Variants in ASIC2 observed in about 807,000 individuals in gnomAD.
ASIC2 encodes acid-sensing ion channel 2.
A neutral mutation model predicts 57.3 loss-of-function variants in ASIC2; 25 were observed. The ratio of observed to expected loss-of-function variants is 0.44; its 90% CI spans 0.32 to 0.61. The LOEUF (loss-of-function observed/expected upper bound fraction) is 0.61, where lower values mean the gene tolerates loss of function less well. Among genes scored for constraint, ASIC2 ranks in the 20% least tolerant of loss-of-function variants. ASIC2 has a pLI of 0.06. For missense variants in ASIC2, 641 were observed against 738.1 expected (o/e 0.87, Z 1.52); for synonymous variants, 319 against 307.5 (o/e 1.04, Z -0.39).
chr17:33,332,148 G>A (rs387760), intron 1 of ASIC2, among the ~76,000 whole-genome samples: 103,120 of 151,900 alleles, frequency 0.68, 35,583 homozygotes, highest in East Asian at 0.97. Context: ...CCATATACCC[G>A]TTCGTGTTAT....
At chr17:33,214,305 C>T (rs1907392286) in intron 1 of ASIC2, among the ~76,000 whole-genome samples, 1 of 152,072 alleles carries the variant, frequency 6.6e-6, no homozygotes, top group Non-Finnish European at 1.5e-5. Context: ...CCAAGATGCT[C>T]CTCTTTTTCA....
intron 1 of ASIC2, among the ~76,000 whole-genome samples, chr17:34,012,134 C>T (rs1906790073): frequency 6.6e-6 from 1 of 152,192 alleles, no homozygotes; most frequent in African/African-American, 2.4e-5. Context: ...ATCCAGATTT[C>T]CTTCCCATTC....
intron 1 of ASIC2, among the ~76,000 whole-genome samples, chr17:33,870,791 T>A (rs1010253361): frequency 6.6e-6 from 1 of 152,158 alleles, no homozygotes; most frequent in Non-Finnish European, 1.5e-5. Flanking sequence ...ACTTACCTTG[T>A]TAGATGATTA....
At chr17:33,652,957 G>C (rs1906963428) in intron 1 of ASIC2, among the ~76,000 whole-genome samples, 1 of 152,188 alleles carries the variant, frequency 6.6e-6, no homozygotes, top group Admixed American at 6.5e-5. Context: ...GGTATCAAGA[G>C]ATTTGGAATC....
At chr17:33,657,574 G>C (rs1269850247) in intron 1 of ASIC2, among the ~76,000 whole-genome samples, 2 of 152,022 alleles carry the variant, frequency 1.3e-5, no homozygotes, top group Non-Finnish European at 2.9e-5. Context: ...CCCAATTACA[G>C]AGCAACCTGA....
chr17:33,199,414 G>A (rs1339326336), intron 1 of ASIC2, among the ~76,000 whole-genome samples: 2 of 152,154 alleles, frequency 1.3e-5, no homozygotes, highest in African/African-American at 4.8e-5. Flanking sequence ...GCTTCATTAG[G>A]GGAGGTAACC....
chr17:33,784,174 C>T (rs1042907494), intron 1 of ASIC2, among the ~76,000 whole-genome samples: 1 of 152,202 alleles, frequency 6.6e-6, no homozygotes, highest in African/African-American at 2.4e-5. Flanking sequence ...GGTTAAAGGC[C>T]TTGGGCCAGG....
At chr17:33,496,927 C>T (rs1244578570) in intron 1 of ASIC2, among the ~76,000 whole-genome samples, 1 of 152,082 alleles carries the variant, frequency 6.6e-6, no homozygotes, top group East Asian at 1.9e-4. Context: ...CTATTTTAGG[C>T]TTTTTAAGTG....
chr17:33,770,571 T>C (rs560854272), intron 1 of ASIC2, among the ~76,000 whole-genome samples: 4 of 152,238 alleles, frequency 2.6e-5, no homozygotes, highest in Middle Eastern at 3.4e-3. Context: ...CTAATTTTTT[T>C]CCCAGGCACC....
At chr17:33,818,771 T>C (rs1252462248) in intron 1 of ASIC2, among the ~76,000 whole-genome samples, 1 of 152,258 alleles carries the variant, frequency 6.6e-6, no homozygotes, top group Non-Finnish European at 1.5e-5. Context: ...CATTTCTTAA[T>C]GTTGATTCCT....
intron 1 of ASIC2, among the ~76,000 whole-genome samples, chr17:33,422,986 C>A (rs1020318634): frequency 6.6e-6 from 1 of 152,104 alleles, no homozygotes; most frequent in Non-Finnish European, 1.5e-5. Context: ...GCCGCACAGC[C>A]CTGGCCACCA....
intron 1 of ASIC2, among the ~76,000 whole-genome samples, chr17:34,011,228 C>T (rs1906744501): frequency 6.6e-6 from 1 of 152,092 alleles, no homozygotes; most frequent in Non-Finnish European, 1.5e-5. Context: ...CCCACAGACA[C>T]ACTGAAACAG....
intron 1 of ASIC2, among the ~76,000 whole-genome samples, chr17:34,063,715 T>C (rs1909055480): frequency 6.6e-6 from 1 of 152,104 alleles, no homozygotes; most frequent in South Asian, 2.1e-4. Flanking sequence ...AGCTCTTCTA[T>C]ACACCAACAG....
At chr17:33,941,734 G>A (rs1283050545) in intron 1 of ASIC2, among the ~76,000 whole-genome samples, 1 of 152,170 alleles carries the variant, frequency 6.6e-6, no homozygotes, top group Non-Finnish European at 1.5e-5. Flanking sequence ...ATGAAAAGGA[G>A]GTCAAAGGGA....
chr17:33,272,933 T>C (rs2142159644), intron 1 of ASIC2, among the ~76,000 whole-genome samples: 1 of 152,306 alleles, frequency 6.6e-6, no homozygotes, highest in Non-Finnish European at 1.5e-5. Flanking sequence ...AAAGTATCTT[T>C]TTCTTTTGAC....
At chr17:33,395,345 C>T (rs1299692349) in intron 1 of ASIC2, among the ~76,000 whole-genome samples, 2 of 152,108 alleles carry the variant, frequency 1.3e-5, no homozygotes, top group East Asian at 1.9e-4. Flanking sequence ...GTGGGGGAAG[C>T]CTCACAATCA....
intron 1 of ASIC2, among the ~76,000 whole-genome samples, chr17:34,087,231 C>G (rs180696225): frequency 6.6e-6 from 1 of 151,858 alleles, no homozygotes; most frequent in East Asian, 1.9e-4. Context: ...TTAGGGCAGT[C>G]CTGGTGGTGA....
chr17:33,692,975 T>G (rs1465072973), intron 1 of ASIC2, among the ~76,000 whole-genome samples: 1 of 152,246 alleles, frequency 6.6e-6, no homozygotes, highest in Non-Finnish European at 1.5e-5. Flanking sequence ...GTTTTTGCAT[T>G]AAGTTCTTTA....
chr17:33,429,103 TCTC>T (rs1166577685), intron 1 of ASIC2, among the ~76,000 whole-genome samples: 1 of 152,136 alleles, frequency 6.6e-6, no homozygotes, highest in African/African-American at 2.4e-5. Context: ...AGGTGTCTGG[TCTC>T]CTGGAACTCT....
Sources: allele counts gnomAD v4.1 joint callset (sites outside exome capture counted in the v4.1 genomes callset), GRCh38; gene constraint gnomAD v4.1.1; transcripts MANE v1.5; gene names NCBI Gene and HGNC (gene_info 2026-07-23, HGNC 2026-07-21).